Variants in DNAH2 observed in about 807,000 individuals in gnomAD.
DNAH2 encodes the protein dynein axonemal heavy chain 2.
In DNAH2, 323 loss-of-function variants were observed where a neutral mutation model predicts 523.5. The ratio of observed to expected loss-of-function variants is 0.62; its 90% confidence interval spans 0.56 to 0.68. DNAH2 has a LOEUF of 0.68. DNAH2 is among the 30% of genes least tolerant of loss of function. The pLI, the probability that DNAH2 is intolerant of heterozygous loss-of-function variation, is 0.00. For synonymous variants in DNAH2, 2,093 were observed against 2,177.4 expected (o/e 0.96, Z 1.08); for missense variants, 4,907 against 5,701.5 (o/e 0.86, Z 4.49).
intron 12 of DNAH2, among the ~76,000 whole-genome samples, chr17:7,746,223 G>C (rs1197193658): frequency 6.6e-6 from 1 of 152,186 alleles, no homozygotes; most frequent in African/African-American, 2.4e-5. Context: ...TAGGCATACA[G>C]TGTAAAATTC....
chr17:7,755,760 A>G (rs1357629695), intron 12 of DNAH2, among the ~76,000 whole-genome samples: 1 of 151,290 alleles, frequency 6.6e-6, no homozygotes, highest in Non-Finnish European at 1.5e-5. Context: ...GTGGCAAAGG[A>G]CACTTAAGAT....
intron 49 of DNAH2, 49 bp downstream of exon 49, chr17:7,794,407 A>C (rs757617168): frequency 6.9e-5 from 106 of 1,529,208 alleles, no homozygotes; most frequent in Non-Finnish European, 8.9e-5. Context: ...AGGAGGTGAA[A>C]CGTGTCTGTC....
rs1392919631 is a variant in DNAH2 at position 7,807,306 on chromosome 17, T to G, written c.9599T>G (p.Val3200Gly). The change falls in exon 62 of 86, where the codon GTG (valine) becomes GGG (glycine). Residue 3200 changes from valine (V) to glycine (G), a missense_variant. Val to Gly is a moderately radical substitution (Grantham distance 109). Around this residue, in one of 3 missense-constraint regions of DNAH2, gnomAD observed 1,851 missense variants for 2,139.4 expected, o/e 0.87. Coordinates refer to ENST00000572933, the MANE Select transcript of DNAH2 (RefSeq NM_020877.5). This position sits in a 1 kb window ranked among gnomAD's most constrained non-coding sequence, Gnocchi z 5.6. ...SLAAKSLCMW[V>G]RAMELYGRLY... ...GCTGCCAAGTCCCTCTGCATGTGGG[T>G]GCGGGCCATGGAGGTAAAGGCGTCA... is the stretch of plus-strand genomic sequence containing the variant. 6.2e-7 allele frequency: 1 copy of G among 1,612,652 alleles called. No individual in the cohort carries two copies. Among genetic ancestry groups the G allele is most frequent in the Non-Finnish European group, 8.5e-7 (1 of 1,179,836 alleles).
At chr17:7,729,803 C>CA (rs1220094081) in intron 4 of DNAH2, among the ~76,000 whole-genome samples, 1 of 152,170 alleles carries the variant, frequency 6.6e-6, no homozygotes, top group African/African-American at 2.4e-5. Context: ...TTCCCTGAGG[C>CA]AATTCTCTTA....
chr17:7,736,844 T>G (rs2075156431), intron 7 of DNAH2, among the ~76,000 whole-genome samples: 1 of 152,094 alleles, frequency 6.6e-6, no homozygotes, highest in African/African-American at 2.4e-5. Context: ...TAGCTGGGCG[T>G]TGTGGTGGGC....
chr17:7,816,030 C>A (rs1191359626), intron 63 of DNAH2, among the ~76,000 whole-genome samples: 1 of 152,160 alleles, frequency 6.6e-6, no homozygotes, highest in African/African-American at 2.4e-5. Context: ...AAGCTCCTGG[C>A]CTCAAGTGAT....
At position 7,788,245 on chromosome 17, in the gene DNAH2, G is replaced by A. The variant is rs1198921188; in HGVS notation, c.6900+1G>A. The A allele has an allele frequency of 1.3e-6, 2 of 1,578,628 alleles. No individual in the cohort carries two copies. Among genetic ancestry groups the A allele is most frequent in the East Asian group, 2.3e-5 (1 of 43,686 alleles). On this transcript the variant is annotated splice_donor_variant, in intron 44 of 85. Coordinates refer to ENST00000572933, the MANE Select transcript of DNAH2 (RefSeq NM_020877.5). LOFTEE classifies it high-confidence loss of function. ...TGCCCTGGCCACGCCAGAGAATGGG[G>A]TAAGGGGAGGACACAGACCACGGGC...
chr17:7,728,461 A>G (rs2074891851), intron 4 of DNAH2, among the ~76,000 whole-genome samples: 1 of 152,188 alleles, frequency 6.6e-6, no homozygotes, highest in African/African-American at 2.4e-5. Flanking sequence ...GGGCAGAAGA[A>G]CTTTTGCCCT....
At chr17:7,771,655 A>G (rs2076319418) in intron 28 of DNAH2, among the ~76,000 whole-genome samples, 187 bp downstream of exon 28, 1 of 152,202 alleles carries the variant, frequency 6.6e-6, no homozygotes, top group African/African-American at 2.4e-5. Flanking sequence ...TGAGTGGAGT[A>G]TAATAATGTA....
chr17:7,722,191 G>A (rs1007880239), intron 2 of DNAH2, among the ~76,000 whole-genome samples: 5 of 99,666 alleles, frequency 5.0e-5, no homozygotes, highest in East Asian at 5.3e-4. Flanking sequence ...TAGAGACGGG[G>A]GGGGGGGTTC....
chr17:7,740,646 C>G, intron 10 of DNAH2, 97 bp downstream of exon 10: 1 of 1,559,786 alleles, frequency 6.4e-7, no homozygotes, highest in South Asian at 1.2e-5. Flanking sequence ...GTGCCCTTCT[C>G]CATGTCCAGC....
At position 7,786,023 on chromosome 17, in the gene DNAH2, T is replaced by A; in HGVS notation, c.6130-101T>A. ...GTGCAGAGGGCCCTGGTGCCATTTT[T>A]AACAGTTTGAACGTATTCTCTCTGG... On this transcript the variant is annotated intron_variant, in intron 39 of 85. Transcript: ENST00000572933. The surrounding 1 kb of genome is among the most constrained non-coding windows in gnomAD (Gnocchi z 7.5). 4 of 1,268,248 alleles carry A rather than the reference T, an allele frequency of 3.2e-6. No homozygotes were observed. The highest frequency in any genetic ancestry group is 4.4e-6 in the Non-Finnish European group (4 of 905,498). 78.6% of individuals were successfully genotyped at this position (1,268,248 alleles called of 1,614,324 possible).
At chr17:7,790,715 T>A (rs1346107551) in intron 44 of DNAH2, among the ~76,000 whole-genome samples, 803 of 36,162 alleles carry the variant, frequency 0.022, 9 homozygotes, top group African/African-American at 0.036. Flanking sequence ...TCTTTTTTAA[T>A]TTTTTTTTTT....
rs2075783992 is a variant in DNAH2 at position 7,754,593 on chromosome 17, G to A, written c.1905-2498G>A. ...TGCCAAGGCCATGAGTCCACGTGCC[G>A]AGGCTCTCAAGGCCCTCGTAAAGCC... On this transcript the variant is annotated intron_variant, in intron 12 of 85. Transcript: ENST00000572933. The surrounding 1 kb of genome is among the most constrained non-coding windows in gnomAD (Gnocchi z 4.6). The A allele has an allele frequency of 4.0e-6, 6 of 1,502,416 alleles. No individual in the cohort carries two copies. Among genetic ancestry groups the A allele is most frequent in the East Asian group, 2.3e-5 (1 of 44,320 alleles). The allele number at this position is 1,502,416 out of a possible 1,614,324, so 93.1% of individuals were successfully genotyped here.
chr17:7,808,329 C>T (rs188983127), intron 63 of DNAH2, among the ~76,000 whole-genome samples: 1 of 150,892 alleles, frequency 6.6e-6, no homozygotes, highest in Non-Finnish European at 1.5e-5. Flanking sequence ...CAAGTTCACA[C>T]CACTGCAATG....
At chr17:7,811,368 C>T (rs778462365) in intron 63 of DNAH2, among the ~76,000 whole-genome samples, 1 of 152,176 alleles carries the variant, frequency 6.6e-6, no homozygotes, top group Non-Finnish European at 1.5e-5. Flanking sequence ...AATTCGACAT[C>T]AACTAATCTT....
Position 7,739,811 on chromosome 17 carries a change from G to A in DNAH2, c.1249G>A (p.Gly417Arg), listed in dbSNP as rs1411735075. ...GPLPCFFGAQGPQITRNLLEI... is the reference protein window; with the variant it reads ...GPLPCFFGAQRPQITRNLLEI... ...CCTTCCTTGCTTCTTTGGTGCCCAG[G>A]GGCCACAGATAACACGGAACTTGCT... is the stretch of plus-strand genomic sequence containing the variant. Residue 417 changes from glycine (G) to arginine (R), a missense_variant, in exon 9 of 86, where the codon GGG becomes AGG. Gly to Arg is a moderately radical substitution (Grantham distance 125, BLOSUM62 -2). Transcript: ENST00000572933. The A allele has an allele frequency of 1.9e-6, 3 of 1,613,782 alleles. No individual in the cohort carries two copies. Among genetic ancestry groups the A allele is most frequent in the Non-Finnish European group, 2.5e-6 (3 of 1,179,988 alleles).
At chr17:7,764,913 GCT>G (rs1428323997) in intron 20 of DNAH2, among the ~76,000 whole-genome samples, 1 of 144,752 alleles carries the variant, frequency 6.9e-6, no homozygotes, top group Non-Finnish European at 1.5e-5. Context: ...TGCAATCATG[GCT>G]CACTGCAGCC....
chr17:7,741,183 C>A (rs57727356), intron 11 of DNAH2, among the ~76,000 whole-genome samples, 191 bp downstream of exon 11: 28,399 of 151,666 alleles, frequency 0.19, 3,298 homozygotes, highest in Middle Eastern at 0.33. Context: ...GCTGGTAGAA[C>A]ATGCGCCATT....
Sources: allele counts gnomAD v4.1 joint callset (sites outside exome capture counted in the v4.1 genomes callset), GRCh38; gene constraint gnomAD v4.1.1; regional missense constraint gnomAD v4.1.1; non-coding constraint Gnocchi (gnomAD v3.1); transcripts MANE v1.5; gene names NCBI Gene and HGNC (gene_info 2026-07-23, HGNC 2026-07-21).